Variants in CROCC2 observed in about 807,000 individuals in gnomAD.
The protein encoded by CROCC2 is ciliary rootlet coiled-coil, rootletin family member 2, also known as ciliary rootlet coiled-coil protein 2.
In CROCC2, 163 loss-of-function variants were observed where a neutral mutation model predicts 177.6. The observed-to-expected ratio is 0.92, with a 90% confidence interval of 0.81 to 1.05. CROCC2 has a LOEUF of 1.05. CROCC2 is among the 50% of genes least tolerant of loss of function. CROCC2 has a pLI of 0.00. For synonymous variants in CROCC2, 904 were observed against 787.3 expected (o/e 1.15, Z -2.48); for missense variants, 1,929 against 1,797.8 (o/e 1.07, Z -1.32).
chr2:240,963,406 G>T (rs2059656013), intron 20 of CROCC2, 150 bp from the exon 21 acceptor site: 4 of 774,538 alleles, frequency 5.2e-6, no homozygotes, highest in Non-Finnish European at 8.0e-6. Flanking sequence ...ACTAGGGATT[G>T]GTGGCTCCAT....
At chr2:240,963,884 C>G in intron 21 of CROCC2, 111 bp downstream of exon 21, 1 of 1,170,056 alleles carries the variant, frequency 8.5e-7, no homozygotes, top group South Asian at 1.5e-5. Flanking sequence ...TTGACTTGGG[C>G]CCCACTGATG....
chr2:240,951,218 T>A (rs1015681120), intron 18 of CROCC2, among the ~76,000 whole-genome samples: 9 of 147,508 alleles, frequency 6.1e-5, no homozygotes, highest in Admixed American at 6.0e-4. Flanking sequence ...CATCCGTCTG[T>A]CCATCCATTC....
chr2:240,945,952 T>C (rs1450193657), intron 14 of CROCC2, 108 bp from the exon 15 acceptor site: 1 of 833,924 alleles, frequency 1.2e-6, no homozygotes, highest in African/African-American at 1.7e-5. Flanking sequence ...CATGCCATTC[T>C]GCATAAAATC....
rs60884843 is a variant in CROCC2 at position 240,936,629 on chromosome 2, A to G, written c.2169+1041A>G. 0.013 allele frequency among the ~76,000 whole-genome samples: 2,034 copies of G among 152,250 alleles called. 90 individuals are homozygous for G. The East Asian group carries it at 0.16, about 12-fold the overall frequency. On this transcript the variant is annotated intron_variant, in intron 14 of 31. Transcript: ENST00000690015. Reference sequence around the variant, plus strand: ...GGATTGTCCAGCAACAATGTTTCCAATACTGGTCCTGCCTACAAGGTCCTT... The same window carrying G: ...GGATTGTCCAGCAACAATGTTTCCAGTACTGGTCCTGCCTACAAGGTCCTT...
intron 20 of CROCC2, among the ~76,000 whole-genome samples, chr2:240,961,259 G>A (rs773792001): frequency 1.3e-5 from 2 of 151,790 alleles, no homozygotes. Flanking sequence ...CATCATCCAC[G>A]CAGTGAGACC....
chr2:240,950,390 G>A lies in CROCC2; in HGVS notation c.2709G>A (p.Glu903=). 2 of 1,550,344 alleles carry A rather than the reference G, an allele frequency of 1.3e-6. No individual in the cohort carries two copies. Among genetic ancestry groups the A allele is most frequent in the Non-Finnish European group, 1.7e-6 (2 of 1,146,840 alleles). The change falls in exon 18 of 32, where the codon GAG becomes GAA. Residue 903 remains glutamate (E), a synonymous_variant. Coordinates refer to ENST00000690015, the MANE Select transcript of CROCC2 (RefSeq NM_001351305.2). ...EEKEVARCQL[E]QEKELVTKSA... is the part of the protein sequence containing the mutation. ...AGGAGGTAGCCAGATGCCAGCTGGA[G>A]CAGGAGAAGGAGCTGGTGACAAAAA...
At chr2:240,976,215 T>A (rs185325426) in intron 27 of CROCC2, among the ~76,000 whole-genome samples, 3,358 of 78,934 alleles carry the variant, frequency 0.043, 157 homozygotes, top group Non-Finnish European at 0.056. Context: ...TAGGAGCCTC[T>A]GGAGCCCAGG....
At chr2:240,990,404 T>C (rs79943259) in intron 30 of CROCC2, among the ~76,000 whole-genome samples, 29,350 of 152,168 alleles carry the variant, frequency 0.19, 3,004 homozygotes, top group South Asian at 0.25. Flanking sequence ...AGCTCAGAGC[T>C]ATCAGGACCT....
At chr2:240,984,340 C>T (rs1171606790) in intron 28 of CROCC2, among the ~76,000 whole-genome samples, 1 of 151,992 alleles carries the variant, frequency 6.6e-6, no homozygotes, top group Non-Finnish European at 1.5e-5. Context: ...AGATGAGGGG[C>T]GCACAGCCGC....
intron 2 of CROCC2, among the ~76,000 whole-genome samples, chr2:240,919,166 C>T (rs993637831): frequency 1.4e-5 from 2 of 143,102 alleles, no homozygotes; most frequent in South Asian, 4.2e-4. Context: ...CTGCAGCTGG[C>T]CAAGGTGACG....
chr2:240,941,128 G>A (rs1454316660), intron 14 of CROCC2, among the ~76,000 whole-genome samples: 4 of 152,220 alleles, frequency 2.6e-5, no homozygotes, highest in East Asian at 3.9e-4. Flanking sequence ...CCTAACCAAG[G>A]ATGTGAAAGA....
At chr2:240,952,348 G>A (rs1026092300) in intron 18 of CROCC2, among the ~76,000 whole-genome samples, 3 of 151,242 alleles carry the variant, frequency 2.0e-5, no homozygotes, top group Non-Finnish European at 4.4e-5. Flanking sequence ...CAAACTGCAG[G>A]AGGAGTTACA....
intron 3 of CROCC2, among the ~76,000 whole-genome samples, 159 bp from the exon 4 acceptor site, chr2:240,922,379 GA>G (rs1423665411): frequency 6.6e-6 from 1 of 152,244 alleles, no homozygotes. Context: ...TCATTGTGTG[GA>G]AGGGCCTGGG....
intron 15 of CROCC2, among the ~76,000 whole-genome samples, chr2:240,947,334 G>C (rs1248547991): frequency 6.6e-6 from 1 of 152,212 alleles, no homozygotes; most frequent in South Asian, 2.1e-4. Context: ...CCTGCTGTCA[G>C]GGTCTACTGC....
intron 4 of CROCC2, among the ~76,000 whole-genome samples, chr2:240,925,085 G>A (rs1399716821): frequency 1.3e-5 from 2 of 151,776 alleles, no homozygotes; most frequent in Non-Finnish European, 2.9e-5. Flanking sequence ...GGGAGGTTAA[G>A]TTGTCTATAG....
In CROCC2 at chr2:240,965,955, C is replaced by T. The variant is rs764255711; in HGVS notation, c.3923C>T (p.Pro1308Leu). Residue 1308 changes from proline to leucine, a missense_variant, in exon 24 of 32, where the codon CCG (proline) becomes CTG (leucine). Transcript: ENST00000690015. ...RRGLGLQRQS[P>L]WASPEQPGSP... ...GGCCTGGGGCTCCAGAGACAGAGCC[C>T]GTGGGCCTCCCCGGAGCAGCCTGGT... 45 of 1,392,118 alleles carry T rather than the reference C, an allele frequency of 3.2e-5. No individual in the cohort carries two copies. Among genetic ancestry groups the T allele is most frequent in the Non-Finnish European group, 3.8e-5 (41 of 1,078,848 alleles). 86.2% of individuals were successfully genotyped at this position (1,392,118 alleles called of 1,614,324 possible). A position where few individuals can be genotyped will look rare whatever the true frequency, so the allele number is the denominator to read the frequency against.
Position 240,968,231 on chromosome 2 carries a change from G to T in CROCC2, c.4370G>T (p.Arg1457Leu), listed in dbSNP as rs770023660. 65 of 1,532,778 alleles carry T rather than the reference G, an allele frequency of 4.2e-5. No homozygotes were observed. The Admixed American group carries it at 5.5e-4, about 13-fold the overall frequency. The allele number at this position is 1,532,778 out of a possible 1,614,324, so 94.9% of individuals were successfully genotyped here. A position where few individuals can be genotyped will look rare whatever the true frequency, so the allele number is the denominator to read the frequency against. ...GAGTTGGAGCACCTGGCGAGCGTGC[G>T]TGCGGCAGGCCAGGAGAAGCGGCGG... is the stretch of plus-strand genomic sequence containing the variant. ...RLELEHLASVRAAGQEKRRLQ... is the reference protein window; with the variant it reads ...RLELEHLASVLAAGQEKRRLQ... The change falls in exon 27 of 32, where the codon CGT becomes CTT. Residue 1457 changes from arginine to leucine, a missense_variant. Physicochemically the swap from Arg to Leu is moderately radical, Grantham distance 102 (BLOSUM62 -2). Transcript: ENST00000690015.
chr2:240,988,629 G>A (rs771758978), intron 28 of CROCC2, 110 bp from the exon 29 acceptor site: 10 of 1,150,176 alleles, frequency 8.7e-6, no homozygotes, highest in Non-Finnish European at 1.1e-5. Flanking sequence ...CCAGCTCTTA[G>A]GGGAATTCAG....
rs1056121675 is a variant in CROCC2, at chr2:240,948,906, G to A, written c.2364-73G>A. The A allele has an allele frequency of 1.1e-5, 15 of 1,405,070 alleles. No homozygotes were observed. In the African/African-American group the frequency reaches 2.1e-4, roughly 20 times the overall value. The allele number at this position is 1,405,070 out of a possible 1,614,324, so 87.0% of individuals were successfully genotyped here. A position where few individuals can be genotyped will look rare whatever the true frequency, so the allele number is the denominator to read the frequency against. On this transcript the variant is annotated intron_variant, in intron 15 of 31. Coordinates refer to ENST00000690015, the MANE Select transcript of CROCC2 (RefSeq NM_001351305.2). Reference sequence around the variant, plus strand: ...TCAGCTGAGTCTCATTAACACCTGTGTAAAGCTATAGAGAGCATTTTACAC... The same window carrying A: ...TCAGCTGAGTCTCATTAACACCTGTATAAAGCTATAGAGAGCATTTTACAC...
Sources: gnomAD v4.1 joint callset for allele counts (sites outside exome capture counted in the v4.1 genomes callset) on GRCh38, gnomAD v4.1.1 for gene constraint, MANE v1.5 for transcripts, NCBI Gene and HGNC (gene_info 2026-07-23, HGNC 2026-07-21) for gene names.